SNX27: variants seen among roughly 807,000 people sequenced by gnomAD.
The protein encoded by SNX27 is sorting nexin-27.
In SNX27, 22 loss-of-function variants were observed where a neutral mutation model predicts 71.6. The ratio of observed to expected loss-of-function variants is 0.31; its 90% CI spans 0.22 to 0.44. The LOEUF (loss-of-function observed/expected upper bound fraction) is 0.44. Ranked by LOEUF, SNX27 falls within the 20% of genes least tolerant of loss-of-function variation. The probability of loss-of-function intolerance (pLI) is 1.00; values close to 1 mark genes in which losing one functional copy is unlikely to be tolerated. For synonymous variants in SNX27, 269 were observed against 277.2 expected, an observed-to-expected ratio of 0.97 and a Z score of 0.29; for missense variants, 531 against 698.6, an observed-to-expected ratio of 0.76 and a Z score of 2.70.
rs79471559 is a variant in SNX27, at chr1:151,681,237, T to C, written c.1150-2119T>C. The stretch of plus-strand genomic sequence containing the variant: ...AGAAGTTGAATTAGTCTCTCAATCT[T>C]TTTTTTTTTTTTTTTTTTTTTTGCG... On this transcript the variant is annotated intron_variant, in intron 7 of 11. Transcript: ENST00000458013. 5.8e-5 allele frequency among the ~76,000 whole-genome samples: 5 copies of C among 85,784 alleles called. No homozygotes were observed. In the Admixed American group the frequency reaches 7.1e-4, roughly 12 times the overall value. 56.3% of individuals were successfully genotyped at this position (85,784 alleles called of 152,430 possible). A position where few individuals can be genotyped will look rare whatever the true frequency, so the allele number is the denominator to read the frequency against.
intron 2 of SNX27, among the ~76,000 whole-genome samples, chr1:151,642,823 G>A (rs979174020): frequency 9.2e-5 from 14 of 152,104 alleles, no homozygotes; most frequent in African/African-American, 3.4e-4. Flanking sequence ...GTATTTTTTA[G>A]TAGAGACGGG....
intron 7 of SNX27, among the ~76,000 whole-genome samples, chr1:151,671,112 C>A (rs1446765202): frequency 5.3e-5 from 8 of 152,034 alleles, no homozygotes; most frequent in African/African-American, 1.7e-4. Context: ...GGATTTGTTT[C>A]TCAGTTCTTT....
intron 2 of SNX27, among the ~76,000 whole-genome samples, chr1:151,644,143 A>T (rs1186074706): frequency 6.6e-6 from 1 of 152,240 alleles, no homozygotes; most frequent in African/African-American, 2.4e-5. Flanking sequence ...AGGTCTCAAC[A>T]TCCAGTCTGC....
intron 8 of SNX27, among the ~76,000 whole-genome samples, chr1:151,686,065 C>T (rs747523915): frequency 5.9e-5 from 9 of 152,218 alleles, no homozygotes; most frequent in South Asian, 2.1e-4. Context: ...CAAATACTAA[C>T]AGGCCATCAA....
At chr1:151,671,452 C>G (rs1670449618) in intron 7 of SNX27, among the ~76,000 whole-genome samples, 1 of 151,942 alleles carries the variant, frequency 6.6e-6, no homozygotes, top group South Asian at 2.1e-4. Flanking sequence ...GTTGCCCAGG[C>G]TGGCTTGAAC....
intron 7 of SNX27, chr1:151,676,182 G>T (rs1475728112): frequency 1.4e-5 from 2 of 146,470 alleles, no homozygotes; most frequent in Non-Finnish European, 3.0e-5. Context: ...TACAAAAATT[G>T]CTGTATTTTG....
chr1:151,653,895 C>T (rs1669555167), intron 2 of SNX27, among the ~76,000 whole-genome samples: 1 of 147,796 alleles, frequency 6.8e-6, no homozygotes, highest in South Asian at 2.2e-4. Context: ...TGCAGTGGCG[C>T]GATCTTGGCT....
chr1:151,638,837 G>A (rs1668589049), intron 1 of SNX27, 51 bp from the exon 2 acceptor site: 1 of 1,559,716 alleles, frequency 6.4e-7, no homozygotes, highest in Admixed American at 1.7e-5. Context: ...GATACAAGGT[G>A]TTTGGACCCT....
At chr1:151,666,323 C>T (rs1225893771) in intron 6 of SNX27, 1 of 213,076 alleles carries the variant, frequency 4.7e-6, no homozygotes, top group Admixed American at 5.8e-5. Flanking sequence ...TTCTATTTAG[C>T]CACATGTTGT....
At chr1:151,648,279 T>C (rs1474268267) in intron 2 of SNX27, among the ~76,000 whole-genome samples, 1 of 152,106 alleles carries the variant, frequency 6.6e-6, no homozygotes, top group Non-Finnish European at 1.5e-5. Context: ...GGTCTTGAAC[T>C]CCTGAGCTCA....
In SNX27 at chr1:151,695,207, T is replaced by G. The variant is rs1441537595; in HGVS notation, c.*790T>G. 6.6e-6 allele frequency: 1 copy of G among 152,482 alleles called. No homozygotes were observed. Among genetic ancestry groups the G allele is most frequent in the East Asian group, 1.9e-4 (1 of 5,174 alleles). 9.4% of individuals were successfully genotyped at this position (152,482 alleles called of 1,614,324 possible). A position where few individuals can be genotyped will look rare whatever the true frequency, so the allele number is the denominator to read the frequency against. ...GTTCTGCAGGGAGAGCCTGAAGTCC[T>G]GGTATGGGCTCTTGATTCTGTGACA... On this transcript the variant is annotated 3_prime_UTR_variant, in exon 12 of 12. Coordinates refer to ENST00000458013, the MANE Select transcript of SNX27 (RefSeq NM_001330723.2).
intron 1 of SNX27, among the ~76,000 whole-genome samples, chr1:151,636,257 A>ATT (rs1282946489): frequency 6.6e-6 from 1 of 152,234 alleles, no homozygotes; most frequent in East Asian, 1.9e-4. Flanking sequence ...GTTTCATAAA[A>ATT]TTGATTGCAT....
intron 2 of SNX27, among the ~76,000 whole-genome samples, chr1:151,653,844 T>TG (rs1358063453): frequency 1.2e-4 from 18 of 149,538 alleles, no homozygotes; most frequent in East Asian, 3.9e-4. Flanking sequence ...TTGTTTTTTT[T>TG]TTTTTTTGAG....
chr1:151,691,200 G>A (rs185221022), intron 8 of SNX27, among the ~76,000 whole-genome samples: 13 of 152,010 alleles, frequency 8.6e-5, no homozygotes, highest in African/African-American at 3.1e-4. Flanking sequence ...GGAGAATAGC[G>A]TGAACCCAGG....
intron 7 of SNX27, among the ~76,000 whole-genome samples, chr1:151,682,001 T>C (rs528890926): frequency 6.6e-6 from 1 of 152,338 alleles, no homozygotes; most frequent in Admixed American, 6.5e-5. Context: ...TATCAATAAG[T>C]GCTTCCATTC....
intron 7 of SNX27, 72 bp downstream of exon 7, chr1:151,668,707 C>A: frequency 1.4e-6 from 2 of 1,404,502 alleles, no homozygotes; most frequent in Non-Finnish European, 9.7e-7. Context: ...TTTGCCAATT[C>A]CCTGTAAATC....
intron 8 of SNX27, among the ~76,000 whole-genome samples, chr1:151,687,630 C>T (rs1671238647): frequency 6.6e-6 from 1 of 152,122 alleles, no homozygotes; most frequent in Non-Finnish European, 1.5e-5. Context: ...AAGTGTTCTG[C>T]TCTGTTAAAC....
Position 151,637,168 on chromosome 1 carries a change from T to G in SNX27, c.312-1720T>G, listed in dbSNP as rs950386920. ...AGTTGATCACGTTTTTTTTGTTTTTTTGTTTTTTTTTTTTGAGACAGAGTC... is the reference window on the plus strand; with the variant it reads ...AGTTGATCACGTTTTTTTTGTTTTTGTGTTTTTTTTTTTTGAGACAGAGTC... On this transcript the variant is annotated intron_variant, in intron 1 of 11. Coordinates refer to ENST00000458013, the MANE Select transcript of SNX27 (RefSeq NM_001330723.2). Among the ~76,000 whole-genome samples, 114 of 95,534 alleles carry G rather than the reference T, an allele frequency of 1.2e-3. 3 individuals are homozygous for G. The East Asian group carries it at 0.018, about 15-fold the overall frequency. 62.7% of individuals were successfully genotyped at this position (95,534 alleles called of 152,430 possible).
chr1:151,675,783 C>T (rs1195583687), intron 7 of SNX27: 3 of 140,598 alleles, frequency 2.1e-5, no homozygotes, highest in African/African-American at 5.2e-5. Context: ...CTTTCCCTCC[C>T]TCCCTCCCTT....
Sources: allele counts gnomAD v4.1 joint callset (sites outside exome capture counted in the v4.1 genomes callset), GRCh38; gene constraint gnomAD v4.1.1; transcripts MANE v1.5; gene names NCBI Gene and HGNC (gene_info 2026-07-23, HGNC 2026-07-21).